ZNF814: variants seen among roughly 807,000 people sequenced by gnomAD.
The protein encoded by ZNF814 is zinc finger protein 814.
A neutral mutation model predicts 7.5 loss-of-function variants in ZNF814; 5 were observed. The observed-to-expected ratio is 0.67, with a 90% confidence interval of 0.35 to 1.40. The LOEUF is 1.40. Ranked by LOEUF, ZNF814 falls within the 40% of genes most tolerant of loss-of-function variation. The probability of loss-of-function intolerance (pLI) is 0.04; values close to 1 mark genes in which losing one functional copy is unlikely to be tolerated. For missense variants in ZNF814, 962 were observed against 1,018.0 expected, an observed-to-expected ratio of 0.94 and a Z score of 0.75; for synonymous variants, 315 against 340.7, an observed-to-expected ratio of 0.92 and a Z score of 0.83.
intron 2 of ZNF814, chr19:57,876,621 G>C: frequency 4.2e-6 from 2 of 471,444 alleles, no homozygotes; most frequent in Non-Finnish European, 7.4e-6. Context: ...GTAGACTGTG[G>C]GTACACAGGA....
At chr19:57,898,945 A>C in the ZNF814 span, among the ~76,000 whole-genome samples, 2 of 151,612 alleles carry the variant, frequency 1.3e-5, no homozygotes, top group Non-Finnish European at 1.5e-5. Context: ...GTCTCAAAAA[A>C]AAAAAAAAAA....
chr19:57,883,077 G>A (rs1182207957), intron 1 of ZNF814, among the ~76,000 whole-genome samples: 1 of 151,910 alleles, frequency 6.6e-6, no homozygotes. Flanking sequence ...AAACAGAACT[G>A]GCCGGGTGTG....
In ZNF814 at chr19:57,873,155, T is replaced by G. The variant is rs759999296; in HGVS notation, c.2235A>C (p.Glu745Asp). Residue 745 changes from glutamate (E) to aspartate (D), a missense_variant, in exon 3 of 3, where the codon GAA becomes GAC. This residue lies in a region of ZNF814 where 665 missense variants were observed against 551.4 expected (regional missense o/e 1.21). Coordinates refer to ENST00000435989, the MANE Select transcript of ZNF814 (RefSeq NM_001144989.2). ...QRVHTGERPY[E>D]CNDCGKSFTH... is the part of the protein sequence containing the mutation. ...TAAATGATTTTCCACAATCATTGCA[T>G]TCATAAGGCCTTTCTCCAGTGTGAA... is the stretch of plus-strand genomic sequence containing the variant. 7 of 1,613,448 alleles carry G rather than the reference T, an allele frequency of 4.3e-6. No homozygotes were observed. The highest frequency in any genetic ancestry group is 1.6e-4 in the Middle Eastern group (1 of 6,080).
At chr19:57,879,212 G>A (rs1228974598) in intron 1 of ZNF814, among the ~76,000 whole-genome samples, 1 of 150,574 alleles carries the variant, frequency 6.6e-6, no homozygotes, top group Non-Finnish European at 1.5e-5. Flanking sequence ...TCCTTGCATG[G>A]CTCCACAGAA....
intron 2 of ZNF814, chr19:57,876,537 T>C (rs1600136952): frequency 1.2e-5 from 4 of 340,254 alleles, no homozygotes; most frequent in Middle Eastern, 8.0e-4. Flanking sequence ...CTGGTCTATA[T>C]AGGCAGTGAT....
At chr19:57,895,207 C>T in the ZNF814 span, among the ~76,000 whole-genome samples, 2 of 152,176 alleles carry the variant, frequency 1.3e-5, no homozygotes, top group African/African-American at 4.8e-5. Flanking sequence ...TTAGGAAGGA[C>T]TCTAACCTTC....
intron 1 of ZNF814, among the ~76,000 whole-genome samples, chr19:57,883,826 C>T (rs1190011707): frequency 1.3e-5 from 2 of 151,624 alleles, no homozygotes; most frequent in African/African-American, 2.4e-5. Context: ...GGCACAATCT[C>T]GGCTCACTGC....
In ZNF814 at chr19:57,874,601, A is replaced by T. The variant is rs1304211687; in HGVS notation, c.789T>A (p.Val263=). 4 of 1,552,042 alleles carry T rather than the reference A, an allele frequency of 2.6e-6. No homozygotes were observed. The highest frequency in any genetic ancestry group is 3.5e-6 in the Non-Finnish European group (4 of 1,147,194). ...KYASLSNHQR[V]HTEKKHECGE... Reference sequence around the variant, plus strand: ...CACATTCATGTTTTTTTTCAGTGTGAACTCTCTGATGATTACTCAAGCTAG... The same window carrying T: ...CACATTCATGTTTTTTTTCAGTGTGTACTCTCTGATGATTACTCAAGCTAG... The change falls in exon 3 of 3, where the codon GTT becomes GTA. Residue 263 remains valine, a synonymous_variant. Transcript: ENST00000435989.
rs1022548600 is a variant in ZNF814, at chr19:57,870,884, G to C, written c.*1938C>G. The stretch of plus-strand genomic sequence containing the variant: ...AGTCCCAGCTACTCAGGAGGCTGAG[G>C]CAGGAGAATCGTTTGAACCTGGGAG... On this transcript the variant is annotated 3_prime_UTR_variant, in exon 3 of 3. Coordinates refer to ENST00000435989, the MANE Select transcript of ZNF814 (RefSeq NM_001144989.2). The C allele has an allele frequency of 6.6e-6, 1 of 151,722 alleles. No individual in the cohort carries two copies. Among genetic ancestry groups the C allele is most frequent in the Non-Finnish European group, 1.5e-5 (1 of 67,950 alleles). 9.4% of individuals were successfully genotyped at this position (151,722 alleles called of 1,614,324 possible). A position where few individuals can be genotyped will look rare whatever the true frequency, so the allele number is the denominator to read the frequency against.
intron 2 of ZNF814, 79 bp downstream of exon 2, chr19:57,876,837 T>G: frequency 1.3e-6 from 2 of 1,587,946 alleles, no homozygotes; most frequent in Middle Eastern, 1.7e-4. Flanking sequence ...GCTCCTGACA[T>G]GAGAAAGTCT....
chr19:57,898,665 C>T, the ZNF814 span, among the ~76,000 whole-genome samples: 278 of 152,286 alleles, frequency 1.8e-3, no homozygotes, highest in African/African-American at 6.3e-3. Flanking sequence ...AAAAATCAGA[C>T]GGACGCGGTG....
In ZNF814 at chr19:57,875,326, A is replaced by G. The variant is rs532454057; in HGVS notation, c.164-100T>C. 5.6e-6 allele frequency: 9 copies of G among 1,609,786 alleles called. No homozygotes were observed. The South Asian group carries it at 9.9e-5, about 18-fold the overall frequency. On this transcript the variant is annotated intron_variant, in intron 2 of 2. Transcript: ENST00000435989. ...GAAAAACTGAGGAATTACTCCAAGG[A>G]ACTACTTGGAGGAACAGGATGTTGG...
chr19:57,874,958 T>A lies in ZNF814; in HGVS notation c.432A>T (p.Gly144=), dbSNP rs1490591704. ...NFHQHQNEHI[G]EKPYRGSVEE... is the part of the protein sequence containing the mutation. The stretch of plus-strand genomic sequence containing the variant: ...CAACACTCCCTCTGTAGGGTTTCTC[T>A]CCAATGTGCTCATTCTGGTGCTGAT... The change falls in exon 3 of 3, where the codon GGA becomes GGT. Residue 144 remains glycine (G), a synonymous_variant. Transcript: ENST00000435989. The A allele has an allele frequency of 1.9e-6, 3 of 1,612,816 alleles. No individual in the cohort carries two copies. Among genetic ancestry groups the A allele is most frequent in the Admixed American group, 1.7e-5 (1 of 59,938 alleles).
chr19:57,875,943 CTTTTTTTTTTTTTTTTTTTTTT>C (rs567660556), intron 2 of ZNF814, among the ~76,000 whole-genome samples: 6 of 71,378 alleles, frequency 8.4e-5, no homozygotes, highest in Admixed American at 1.8e-4. Context: ...CAGGGTGCCG[CTTTTTTTTTTTTTTTTTTTTTT>C]TTTTTTTTTT....
upstream of ZNF814, among the ~76,000 whole-genome samples, chr19:57,889,871 A>G (rs1299577131): frequency 6.6e-6 from 1 of 152,118 alleles, no homozygotes; most frequent in Non-Finnish European, 1.5e-5. Context: ...TTGGAAAAAA[A>G]AATAAAAATA....
In ZNF814 at chr19:57,888,832, A is replaced by G. The variant is rs1379307951; in HGVS notation, c.-30T>C. On this transcript the variant is annotated 5_prime_UTR_variant, in exon 1 of 3. Transcript: ENST00000435989. ...CCACGTGGTTTTAAGCAGAGTCGGG[A>G]GGATAGGGCGACCAGCCAGGAGATA... The G allele has an allele frequency of 3.2e-6, 5 of 1,551,448 alleles. No homozygotes were observed. The Admixed American group carries it at 5.9e-5, about 18-fold the overall frequency.
intron 1 of ZNF814, among the ~76,000 whole-genome samples, chr19:57,886,586 A>C (rs570023241): frequency 1.3e-5 from 2 of 152,164 alleles, no homozygotes; most frequent in Non-Finnish European, 2.9e-5. Flanking sequence ...TAATAAACAA[A>C]AAAAAAAGAC....
At chr19:57,877,588 A>G (rs2071616560) in intron 1 of ZNF814, among the ~76,000 whole-genome samples, 1 of 152,002 alleles carries the variant, frequency 6.6e-6, no homozygotes, top group Non-Finnish European at 1.5e-5. Context: ...GATTACAGGC[A>G]TGTACCACCA....
At chr19:57,895,500 T>C in the ZNF814 span, among the ~76,000 whole-genome samples, 1 of 152,060 alleles carries the variant, frequency 6.6e-6, no homozygotes, top group Non-Finnish European at 1.5e-5. Flanking sequence ...GGTCTCGAAC[T>C]CCTGGTCTCA....
Sources: gnomAD v4.1 joint callset for allele counts (sites outside exome capture counted in the v4.1 genomes callset) on GRCh38, gnomAD v4.1.1 for gene constraint, gnomAD v4.1.1 regional missense constraint, MANE v1.5 for transcripts, NCBI Gene and HGNC (gene_info 2026-07-23, HGNC 2026-07-21) for gene names.